The following ACACA variants were observed in gnomAD, a reference collection of about 807,000 sequenced individuals.
The protein encoded by ACACA is acetyl-CoA carboxylase alpha.
ACACA carries 103 observed loss-of-function variants against 296.1 expected under a neutral mutation model. The observed-to-expected ratio is 0.35, with a 90% CI of 0.30 to 0.41. The LOEUF is 0.41. Among genes scored for constraint, ACACA ranks in the 10% least tolerant of loss-of-function variants. The pLI is 1.00. For missense variants in ACACA, 1,554 were observed against 2,989.7 expected (o/e 0.52, Z 11.20); for synonymous variants, 953 against 1,038.6 (o/e 0.92, Z 1.58).
At chr17:37,344,849 A>C (rs532066002) in intron 1 of ACACA, among the ~76,000 whole-genome samples, 190 of 152,310 alleles carry the variant, frequency 1.2e-3, no homozygotes, top group African/African-American at 4.4e-3. Context: ...CCGAAGCTTC[A>C]GATCATTACA....
At chr17:37,164,558 CAG>C (rs2076590376) in intron 41 of ACACA, among the ~76,000 whole-genome samples, 3 of 152,122 alleles carry the variant, frequency 2.0e-5, no homozygotes, top group South Asian at 4.2e-4. Context: ...TCATTAAAGA[CAG>C]AGAAAGGAAG....
At chr17:37,304,079 A>G (rs980510919) in intron 3 of ACACA, among the ~76,000 whole-genome samples, 62 of 152,318 alleles carry the variant, frequency 4.1e-4, no homozygotes, top group African/African-American at 1.4e-3. Flanking sequence ...CTAATACCTA[A>G]TAACTATTAG....
intron 1 of ACACA, among the ~76,000 whole-genome samples, chr17:37,398,244 AAC>A (rs869130866): frequency 1.2e-5 from 1 of 86,362 alleles, no homozygotes; most frequent in Admixed American, 1.5e-4. Flanking sequence ...AAAAAAAAAA[AAC>A]AGTTTGGCCT....
intron 1 of ACACA, among the ~76,000 whole-genome samples, chr17:37,385,325 T>C (rs1252689330): frequency 1.3e-5 from 2 of 151,996 alleles, no homozygotes; most frequent in African/African-American, 2.4e-5. Context: ...ATATAAAAAT[T>C]AGCCGGGTGC....
intron 1 of ACACA, among the ~76,000 whole-genome samples, chr17:37,396,666 C>G (rs1597801059): frequency 6.6e-6 from 1 of 152,256 alleles, no homozygotes; most frequent in South Asian, 2.1e-4. Flanking sequence ...ATGTCCATAA[C>G]TAGCCATTTT....
intron 3 of ACACA, among the ~76,000 whole-genome samples, chr17:37,302,209 T>C (rs902206898): frequency 6.6e-6 from 1 of 151,382 alleles, no homozygotes; most frequent in African/African-American, 2.4e-5. Context: ...ACTCTTTTTT[T>C]TTTTTTTTTT....
At chr17:37,294,531 A>G (rs930253092) in intron 3 of ACACA, among the ~76,000 whole-genome samples, 1 of 152,204 alleles carries the variant, frequency 6.6e-6, no homozygotes, top group Non-Finnish European at 1.5e-5. Context: ...AGATAGCAAT[A>G]CAAGCTTGGG....
chr17:37,352,198 G>A (rs894016437), intron 1 of ACACA, among the ~76,000 whole-genome samples: 1 of 152,038 alleles, frequency 6.6e-6, no homozygotes, highest in Non-Finnish European at 1.5e-5. Flanking sequence ...GATTACAGGG[G>A]TGAGCCACCG....
chr17:37,323,954 G>A (rs1310291180), intron 3 of ACACA, among the ~76,000 whole-genome samples: 1 of 152,220 alleles, frequency 6.6e-6, no homozygotes, highest in Non-Finnish European at 1.5e-5. Context: ...AAATTAAGAT[G>A]TCCACTGGCC....
chr17:37,158,235 G>A (rs2076328509), intron 42 of ACACA, among the ~76,000 whole-genome samples: 2 of 152,158 alleles, frequency 1.3e-5, no homozygotes, highest in Admixed American at 6.5e-5. Context: ...TTAGGCAGAT[G>A]TAAGTAGAGA....
chr17:37,202,553 TA>T (rs1208918443), intron 33 of ACACA, among the ~76,000 whole-genome samples: 29 of 142,944 alleles, frequency 2.0e-4, no homozygotes, highest in African/African-American at 4.1e-4. Context: ...ATGTGTGCCT[TA>T]AAAAAAAAAA....
chr17:37,150,091 G>T, intron 44 of ACACA, 117 bp from the exon 45 acceptor site: 2 of 891,230 alleles, frequency 2.2e-6, no homozygotes, highest in Non-Finnish European at 3.6e-6. Context: ...TTTTTATGAA[G>T]TCTATTTGAT....
At chr17:37,226,534 T>A in intron 25 of ACACA, 82 bp from the exon 26 acceptor site, 1 of 1,248,136 alleles carries the variant, frequency 8.0e-7, no homozygotes, top group Non-Finnish European at 1.2e-6. Flanking sequence ...AGAAAAGGAA[T>A]GAAAACAAAG....
At chr17:37,206,644 G>C (rs1442123713) in intron 32 of ACACA, 139 bp downstream of exon 32, 1 of 691,472 alleles carries the variant, frequency 1.4e-6, no homozygotes, top group Non-Finnish European at 2.5e-6. Context: ...ACTTTGGTGA[G>C]GCATACAAAA....
Position 37,191,104 on chromosome 17 carries a change from C to T in ACACA, c.4572+16G>A. 1 of 1,613,726 alleles carries T rather than the reference C, an allele frequency of 6.2e-7. No homozygotes were observed. Among genetic ancestry groups the T allele is most frequent in the Non-Finnish European group, 8.5e-7 (1 of 1,179,770 alleles). ...ATGCTTGCTAGTGCTGGGAGAGAAG[C>T]TAAGGAGAAATGTACCTTTGATGGG... is the stretch of plus-strand genomic sequence containing the variant. On this transcript the variant is annotated intron_variant, in intron 38 of 55. Transcript: ENST00000616317.
At position 37,129,393 on chromosome 17, in the gene ACACA, T is replaced by C. The variant is rs375452579; in HGVS notation, c.5916A>G (p.Arg1972=). 11 of 1,614,116 alleles carry C rather than the reference T, an allele frequency of 6.8e-6. No individual in the cohort carries two copies. The East Asian group carries it at 1.3e-4, about 20-fold the overall frequency. Residue 1972 remains arginine (R), a synonymous_variant, in exon 47 of 56, where the codon CGA becomes CGG. Coordinates refer to ENST00000616317, the MANE Select transcript of ACACA (RefSeq NM_198834.3). Reference sequence around the variant, plus strand: ...GGTGAGGACGGCCTGCTAGCATCCATCGAGGATCGTATGGGGTCTTTGTGG... The same window carrying C: ...GGTGAGGACGGCCTGCTAGCATCCACCGAGGATCGTATGGGGTCTTTGTGG... ...FVPTKTPYDP[R]WMLAGRPHPT... is the part of the protein sequence containing the mutation.
At chr17:37,277,858 C>T in intron 6 of ACACA, 38 bp downstream of exon 6, 1 of 1,510,614 alleles carries the variant, frequency 6.6e-7, no homozygotes. Context: ...TATAAAATGG[C>T]TGAATTTGGT....
At chr17:37,217,756 A>AAAAC (rs2079089387) in intron 29 of ACACA, among the ~76,000 whole-genome samples, 1 of 130,406 alleles carries the variant, frequency 7.7e-6, no homozygotes, top group African/African-American at 3.1e-5. Context: ...AAAAAAAAAA[A>AAAAC]AAAAAAAACA....
At chr17:37,388,678 G>A (rs2050657689) in intron 1 of ACACA, 2 of 1,611,832 alleles carry the variant, frequency 1.2e-6, no homozygotes, top group Admixed American at 1.7e-5. Context: ...AGACACAGAT[G>A]AGAACCTAGA....
Sources: allele counts gnomAD v4.1 joint callset (sites outside exome capture counted in the v4.1 genomes callset), GRCh38; gene constraint gnomAD v4.1.1; transcripts MANE v1.5; gene names NCBI Gene and HGNC (gene_info 2026-07-23, HGNC 2026-07-21).